Variants in SLC24A3 observed in about 807,000 individuals in gnomAD.
SLC24A3 encodes the protein solute carrier family 24 member 3, also known as sodium/potassium/calcium exchanger 3.
In SLC24A3, 28 loss-of-function variants were observed where a neutral mutation model predicts 75.8. The ratio of observed to expected loss-of-function variants is 0.37; its 90% CI spans 0.27 to 0.51. The LOEUF (loss-of-function observed/expected upper bound fraction) is 0.51. SLC24A3 is among the 20% of genes least tolerant of loss of function. The pLI is 0.94. For synonymous variants in SLC24A3, 372 were observed against 334.1 expected, an observed-to-expected ratio of 1.11 and a Z score of -1.24; for missense variants, 663 against 847.8, an observed-to-expected ratio of 0.78 and a Z score of 2.71.
intron 2 of SLC24A3, among the ~76,000 whole-genome samples, chr20:19,421,535 TAGG>T (rs1374585184): frequency 6.6e-6 from 1 of 152,156 alleles, no homozygotes; most frequent in African/African-American, 2.4e-5. Context: ...GGCTTCAGTT[TAGG>T]AGGAGGAGAC....
intron 2 of SLC24A3, among the ~76,000 whole-genome samples, chr20:19,338,190 C>T (rs764122733): frequency 9.9e-5 from 15 of 152,258 alleles, no homozygotes; most frequent in Non-Finnish European, 1.5e-4. Flanking sequence ...TAGGAAGTTT[C>T]GCATGGCAAA....
At chr20:19,379,476 G>A (rs565444861) in intron 2 of SLC24A3, among the ~76,000 whole-genome samples, 110 of 152,196 alleles carry the variant, frequency 7.2e-4, no homozygotes, top group Non-Finnish European at 1.5e-3. Context: ...GGTTTGATAA[G>A]CCCGAGTCTC....
chr20:19,666,753 G>T (rs1285497024), intron 8 of SLC24A3, among the ~76,000 whole-genome samples: 1 of 152,186 alleles, frequency 6.6e-6, no homozygotes, highest in Non-Finnish European at 1.5e-5. Flanking sequence ...GGAGGCCGAG[G>T]TGGGCGGATC....
At chr20:19,680,912 C>T (rs866691485) in intron 9 of SLC24A3, among the ~76,000 whole-genome samples, 21 of 152,202 alleles carry the variant, frequency 1.4e-4, no homozygotes, top group Non-Finnish European at 1.0e-4. Flanking sequence ...GGTCACCATG[C>T]CTAACTGCCA....
intron 3 of SLC24A3, among the ~76,000 whole-genome samples, chr20:19,520,496 T>C (rs1292316522): frequency 2.0e-5 from 3 of 152,202 alleles, no homozygotes; most frequent in Non-Finnish European, 4.4e-5. Flanking sequence ...CACACTCCTG[T>C]GTCCAGTGCC....
At chr20:19,430,843 C>G (rs1204628123) in intron 2 of SLC24A3, among the ~76,000 whole-genome samples, 1 of 152,154 alleles carries the variant, frequency 6.6e-6, no homozygotes, top group East Asian at 1.9e-4. Flanking sequence ...CAGGTACACA[C>G]TCACCTAGGG....
At chr20:19,650,583 C>T (rs908696130) in intron 6 of SLC24A3, among the ~76,000 whole-genome samples, 4 of 152,124 alleles carry the variant, frequency 2.6e-5, no homozygotes, top group South Asian at 2.1e-4. Flanking sequence ...TTTCAGTTAC[C>T]GGCATTCTCC....
At chr20:19,538,709 T>G (rs1299805336) in intron 3 of SLC24A3, among the ~76,000 whole-genome samples, 1 of 152,212 alleles carries the variant, frequency 6.6e-6, no homozygotes, top group South Asian at 2.1e-4. Context: ...TAAAACTGCT[T>G]GGCACTAAGT....
chr20:19,288,221 G>A (rs1983859553), intron 2 of SLC24A3, among the ~76,000 whole-genome samples: 1 of 152,180 alleles, frequency 6.6e-6, no homozygotes, highest in Admixed American at 6.5e-5. Context: ...TATTAACTAC[G>A]AGGCTTCTGA....
chr20:19,460,095 T>C (rs1987643914), intron 2 of SLC24A3, among the ~76,000 whole-genome samples: 1 of 152,094 alleles, frequency 6.6e-6, no homozygotes, highest in Non-Finnish European at 1.5e-5. Context: ...GGCCACAAAA[T>C]TTAGGGAGGC....
intron 2 of SLC24A3, among the ~76,000 whole-genome samples, chr20:19,399,761 C>T (rs1986517542): frequency 6.6e-6 from 1 of 152,142 alleles, no homozygotes; most frequent in Non-Finnish European, 1.5e-5. Context: ...TCAATTTGGT[C>T]AAGTTGGTTG....
intron 1 of SLC24A3, among the ~76,000 whole-genome samples, chr20:19,273,063 C>T (rs542033342): frequency 7.2e-5 from 11 of 152,322 alleles, no homozygotes; most frequent in African/African-American, 2.6e-4. Flanking sequence ...GCCCAACAAT[C>T]ATAGCAGAAT....
chr20:19,526,431 A>G (rs902826190), intron 3 of SLC24A3, among the ~76,000 whole-genome samples: 1 of 152,236 alleles, frequency 6.6e-6, no homozygotes, highest in African/African-American at 2.4e-5. Context: ...TGCCCCACTC[A>G]CAATAGGCAC....
intron 2 of SLC24A3, among the ~76,000 whole-genome samples, chr20:19,398,124 T>C (rs1283529059): frequency 6.6e-6 from 1 of 152,222 alleles, no homozygotes; most frequent in Admixed American, 6.5e-5. Flanking sequence ...CATTTCCTTT[T>C]GACTTATGAT....
At chr20:19,444,466 T>C (rs1987347925) in intron 2 of SLC24A3, among the ~76,000 whole-genome samples, 1 of 152,236 alleles carries the variant, frequency 6.6e-6, no homozygotes, top group Non-Finnish European at 1.5e-5. Flanking sequence ...CCTGGTTTTC[T>C]TTTAGTAAAT....
intron 3 of SLC24A3, among the ~76,000 whole-genome samples, chr20:19,516,663 G>A (rs776500299): frequency 2.6e-5 from 4 of 152,230 alleles, no homozygotes; most frequent in Non-Finnish European, 5.9e-5. Flanking sequence ...AGCACCTACA[G>A]TGACCTCTAC....
At chr20:19,661,017 T>C (rs2032320528) in intron 7 of SLC24A3, among the ~76,000 whole-genome samples, 1 of 152,174 alleles carries the variant, frequency 6.6e-6, no homozygotes, top group Non-Finnish European at 1.5e-5. Flanking sequence ...ATTTGCTGCT[T>C]GGACAGGGAA....
At chr20:19,695,566 T>C (rs922221839) in intron 13 of SLC24A3, 3 of 152,234 alleles carry the variant, frequency 2.0e-5, no homozygotes, top group African/African-American at 7.2e-5. Flanking sequence ...TACATGGATA[T>C]ATTGTGTGAT....
chr20:19,481,317 C>T (rs1988050051), intron 2 of SLC24A3, among the ~76,000 whole-genome samples: 1 of 152,218 alleles, frequency 6.6e-6, no homozygotes, highest in South Asian at 2.1e-4. Context: ...CGTTTTAGCA[C>T]TTCACACGTA....
Sources: allele counts gnomAD v4.1 joint callset (sites outside exome capture counted in the v4.1 genomes callset), GRCh38; gene constraint gnomAD v4.1.1; transcripts MANE v1.5; gene names NCBI Gene and HGNC (gene_info 2026-07-23, HGNC 2026-07-21).